AKAP9: variants seen among roughly 807,000 people sequenced by gnomAD.
The protein encoded by AKAP9 is A-kinase anchoring protein 9, also known as A-kinase anchor protein 9.
A neutral mutation model predicts 488.5 loss-of-function variants in AKAP9; 311 were observed. The ratio of observed to expected loss-of-function variants is 0.64; its 90% CI spans 0.58 to 0.70. AKAP9 has a LOEUF of 0.70. AKAP9 is among the 30% of genes least tolerant of loss of function. The pLI, the probability that AKAP9 is intolerant of heterozygous loss-of-function variation, is 0.00. For missense variants in AKAP9, 4,215 were observed against 4,374.5 expected (o/e 0.96, Z 1.03); for synonymous variants, 1,462 against 1,483.5 (o/e 0.99, Z 0.33).
At chr7:92,006,407 T>C (rs1298407634) in intron 8 of AKAP9, among the ~76,000 whole-genome samples, 1 of 152,144 alleles carries the variant, frequency 6.6e-6, no homozygotes, top group Non-Finnish European at 1.5e-5. Flanking sequence ...TGCCTTGGCC[T>C]CCTGAAATGC....
At chr7:92,005,727 G>A (rs140258243) in intron 8 of AKAP9, among the ~76,000 whole-genome samples, 129 of 152,154 alleles carry the variant, frequency 8.5e-4, no homozygotes, top group African/African-American at 1.9e-3. Flanking sequence ...GTGCAGTGGC[G>A]TGATCTCAGC....
intron 28 of AKAP9, among the ~76,000 whole-genome samples, chr7:92,075,696 G>C (rs1042228818): frequency 6.6e-6 from 1 of 152,176 alleles, no homozygotes; most frequent in African/African-American, 2.4e-5. Flanking sequence ...TTATAAAGTT[G>C]TAACAGGGTT....
At chr7:91,988,167 A>G (rs1180521115) in intron 3 of AKAP9, among the ~76,000 whole-genome samples, 1 of 152,028 alleles carries the variant, frequency 6.6e-6, no homozygotes, top group East Asian at 1.9e-4. Context: ...TTTGACCAAC[A>G]TTAACAAGAA....
At chr7:91,971,734 A>T (rs1420220332) in intron 1 of AKAP9, among the ~76,000 whole-genome samples, 3 of 151,082 alleles carry the variant, frequency 2.0e-5, no homozygotes, top group African/African-American at 7.3e-5. Context: ...CTGCCGGGCT[A>T]ATTTTTTTGT....
intron 7 of AKAP9, 195 bp downstream of exon 7, chr7:91,995,995 A>C (rs1228353547): frequency 1.7e-6 from 1 of 602,442 alleles, no homozygotes; most frequent in Admixed American, 3.1e-5. Context: ...TGAGTTCCCT[A>C]AAAGTGATCA....
At chr7:92,057,147 G>A (rs1808920925) in intron 22 of AKAP9, among the ~76,000 whole-genome samples, 1 of 151,966 alleles carries the variant, frequency 6.6e-6, no homozygotes, top group African/African-American at 2.4e-5. Flanking sequence ...TTTTTCCTTA[G>A]CATGTACTCT....
chr7:91,961,868 G>A (rs1793773738), intron 1 of AKAP9, among the ~76,000 whole-genome samples: 1 of 152,024 alleles, frequency 6.6e-6, no homozygotes, highest in South Asian at 2.1e-4. Context: ...TTGAGTTTAA[G>A]GAATAAGTTA....
intron 28 of AKAP9, among the ~76,000 whole-genome samples, chr7:92,075,362 T>C (rs984684760): frequency 6.6e-6 from 1 of 152,274 alleles, no homozygotes; most frequent in Admixed American, 6.5e-5. Context: ...GGGATAGTTG[T>C]AAATACTATG....
chr7:92,063,398 A>C (rs562928420), intron 24 of AKAP9: 236 of 908,154 alleles, frequency 2.6e-4, no homozygotes, highest in Admixed American at 5.6e-4. Flanking sequence ...CATTTTAGGA[A>C]GTAGAAGACA....
intron 21 of AKAP9, among the ~76,000 whole-genome samples, chr7:92,049,266 C>T (rs1175972827): frequency 6.6e-6 from 1 of 152,136 alleles, no homozygotes; most frequent in Non-Finnish European, 1.5e-5. Flanking sequence ...TGAAGTTCCC[C>T]TGCTAATCTA....
At position 92,093,882 on chromosome 7, in the gene AKAP9, G is replaced by A. The variant is rs368060203; in HGVS notation, c.9578+566G>A. Among the ~76,000 whole-genome samples the A allele has an allele frequency of 8.9e-4, 135 of 151,278 alleles. 1 individual carries two copies. The highest frequency in any genetic ancestry group is 3.4e-3 in the Middle Eastern group (1 of 294). On this transcript the variant is annotated intron_variant, in intron 39 of 49. Transcript: ENST00000356239. Reference sequence around the variant, plus strand: ...TTTAATTGTTTTGAGATGGAATCTCGCTCTGTCGCCCAGACTGGAGTGCAA... The same window carrying A: ...TTTAATTGTTTTGAGATGGAATCTCACTCTGTCGCCCAGACTGGAGTGCAA...
chr7:92,057,692 C>T (rs1047487585), intron 22 of AKAP9: 3 of 217,848 alleles, frequency 1.4e-5, no homozygotes, highest in Non-Finnish European at 2.8e-5. Context: ...CTCAAGACTG[C>T]TGCTATGGAG....
intron 1 of AKAP9, among the ~76,000 whole-genome samples, chr7:91,944,151 C>T (rs1791129844): frequency 6.6e-6 from 1 of 151,834 alleles, no homozygotes; most frequent in Admixed American, 6.6e-5. Context: ...AATAATTCTA[C>T]AAAGACTTTT....
At chr7:91,947,150 T>C (rs955009416) in intron 1 of AKAP9, among the ~76,000 whole-genome samples, 1 of 137,964 alleles carries the variant, frequency 7.2e-6, no homozygotes, top group Admixed American at 7.7e-5. Context: ...AGTGGTTTGG[T>C]GTCTGGGGTG....
rs527808233 is a variant in AKAP9, at chr7:91,984,615, T to C, written c.351+4282T>C. Among the ~76,000 whole-genome samples the C allele has an allele frequency of 3.9e-5, 6 of 152,346 alleles. No individual in the cohort carries two copies. In the East Asian group the frequency reaches 1.2e-3, roughly 29 times the overall value. On this transcript the variant is annotated intron_variant, in intron 3 of 49. Transcript: ENST00000356239. ...TTAGGATTGTCTTGGCAATGTGGGCTCTTTTTTGGTTCCATATGAACTTTA... is the reference window on the plus strand; with the variant it reads ...TTAGGATTGTCTTGGCAATGTGGGCCCTTTTTTGGTTCCATATGAACTTTA...
At chr7:91,960,878 T>C (rs756131527) in intron 1 of AKAP9, among the ~76,000 whole-genome samples, 3 of 152,230 alleles carry the variant, frequency 2.0e-5, no homozygotes, top group Admixed American at 6.5e-5. Flanking sequence ...GAAAGACTTA[T>C]ATGAAGAAAT....
intron 8 of AKAP9, among the ~76,000 whole-genome samples, chr7:92,005,739 C>T (rs1329717765): frequency 6.6e-6 from 1 of 152,138 alleles, no homozygotes; most frequent in East Asian, 1.9e-4. Flanking sequence ...GATCTCAGCT[C>T]ACTACAACCT....
Position 92,001,116 on chromosome 7 carries a change from C to T in AKAP9, c.1199C>T (p.Thr400Ile), listed in dbSNP as rs1799113975. Reference sequence around the variant, plus strand: ...GAAGAAATAAAACAGTTAATGGGGACAGTCGAAGAACTTCAGAAGAGAAAT... The same window carrying T: ...GAAGAAATAAAACAGTTAATGGGGATAGTCGAAGAACTTCAGAAGAGAAAT... ...SSEEIKQLMG[T>I]VEELQKRNHK... The change falls in exon 8 of 50, where the codon ACA (threonine) becomes ATA (isoleucine). Residue 400 changes from threonine to isoleucine, a missense_variant. Physicochemically the swap from Thr to Ile is moderately conservative, Grantham distance 89. This residue lies in a region of AKAP9 where 2,361 missense variants were observed against 2,430.0 expected (regional missense o/e 0.97). Coordinates refer to ENST00000356239, the MANE Select transcript of AKAP9 (RefSeq NM_005751.5). 6.2e-7 allele frequency: 1 copy of T among 1,613,820 alleles called. No individual in the cohort carries two copies. Among genetic ancestry groups the T allele is most frequent in the Non-Finnish European group, 8.5e-7 (1 of 1,179,952 alleles).
In AKAP9 at chr7:92,077,889, A is replaced by C; in HGVS notation, c.6945+14A>C. ...ACAGATAACAAGGTATACTCATTTA[A>C]AATTGATTATGAAATTAATATGAAC... On this transcript the variant is annotated intron_variant, in intron 30 of 49. Transcript: ENST00000356239. 6.3e-7 allele frequency: 1 copy of C among 1,590,778 alleles called. No homozygotes were observed. Among genetic ancestry groups the C allele is most frequent in the Non-Finnish European group, 8.6e-7 (1 of 1,163,180 alleles).
Sources: gnomAD v4.1 joint callset for allele counts (sites outside exome capture counted in the v4.1 genomes callset) on GRCh38, gnomAD v4.1.1 for gene constraint, gnomAD v4.1.1 regional missense constraint, MANE v1.5 for transcripts, NCBI Gene and HGNC (gene_info 2026-07-23, HGNC 2026-07-21) for gene names.